Variants in SSH2 observed in about 807,000 individuals in gnomAD.
SSH2 encodes slingshot protein phosphatase 2.
A neutral mutation model predicts 135.2 loss-of-function variants in SSH2; 37 were observed. The observed-to-expected ratio is 0.27, with a 90% confidence interval of 0.21 to 0.36. The LOEUF (loss-of-function observed/expected upper bound fraction) is 0.36. Among genes scored for constraint, SSH2 ranks in the 10% least tolerant of loss-of-function variants. The probability of loss-of-function intolerance (pLI) is 1.00; values close to 1 mark genes in which losing one functional copy is unlikely to be tolerated. For synonymous variants in SSH2, 628 were observed against 646.2 expected (o/e 0.97, Z 0.43); for missense variants, 1,408 against 1,765.3 (o/e 0.80, Z 3.63).
chr17:29,805,450 C>T (rs899674878), intron 2 of SSH2, among the ~76,000 whole-genome samples: 28 of 152,142 alleles, frequency 1.8e-4, no homozygotes, highest in Non-Finnish European at 1.8e-4. Flanking sequence ...CCACCATGCC[C>T]GGCCCTCATG....
intron 2 of SSH2, among the ~76,000 whole-genome samples, chr17:29,818,635 C>A (rs1313400192): frequency 1.3e-5 from 2 of 152,120 alleles, no homozygotes; most frequent in Non-Finnish European, 2.9e-5. Flanking sequence ...TGGCAAACAA[C>A]AAAGAGCAAG....
chr17:29,874,433 A>G (rs777381309), intron 1 of SSH2, among the ~76,000 whole-genome samples: 2 of 152,206 alleles, frequency 1.3e-5, no homozygotes, highest in Non-Finnish European at 2.9e-5. Flanking sequence ...TGTACTCCCT[A>G]TAACCCCGAT....
chr17:29,694,205 C>T (rs1243314824), intron 5 of SSH2, among the ~76,000 whole-genome samples: 1 of 152,086 alleles, frequency 6.6e-6, no homozygotes. Context: ...CCCTGAGAGG[C>T]TCAGATGGGA....
chr17:29,705,966 C>T, intron 3 of SSH2, among the ~76,000 whole-genome samples: 1 of 152,110 alleles, frequency 6.6e-6, no homozygotes, highest in East Asian at 1.9e-4. Flanking sequence ...AGAATATAAG[C>T]TCCAAGAGGG....
chr17:29,656,181 A>T (rs2036772106), intron 11 of SSH2, among the ~76,000 whole-genome samples: 1 of 151,490 alleles, frequency 6.6e-6, no homozygotes, highest in Non-Finnish European at 1.5e-5. Flanking sequence ...CAAAGCTCAC[A>T]CTCTTTTTTT....
chr17:29,889,824 A>C (rs967068472), intron 1 of SSH2, among the ~76,000 whole-genome samples: 2 of 150,090 alleles, frequency 1.3e-5, no homozygotes, highest in Non-Finnish European at 3.0e-5. Context: ...AAAAAAAAAA[A>C]AAAACCAGCC....
chr17:29,930,155 C>T lies in SSH2; in HGVS notation c.-155G>A. 1 of 686,744 alleles carries T rather than the reference C, an allele frequency of 1.5e-6. No homozygotes were observed. The highest frequency in any genetic ancestry group is 1.9e-5 in the South Asian group (1 of 53,376). 42.5% of individuals were successfully genotyped at this position (686,744 alleles called of 1,614,324 possible). ...GCGGGAACGGCCGCAGACTCCGCAC[C>T]CACCACCAGACTGTCGCCGACTGAC... is the stretch of plus-strand genomic sequence containing the variant. On this transcript the variant is annotated 5_prime_UTR_variant, in exon 1 of 16. Coordinates refer to ENST00000540801, the MANE Select transcript of SSH2 (RefSeq NM_001282129.2).
At chr17:29,820,625 C>T (rs2151341723) in intron 2 of SSH2, among the ~76,000 whole-genome samples, 1 of 152,280 alleles carries the variant, frequency 6.6e-6, no homozygotes, top group East Asian at 1.9e-4. Context: ...GTAAAAACTC[C>T]CTTCTAGAAA....
intron 1 of SSH2, among the ~76,000 whole-genome samples, chr17:29,869,498 C>G (rs551458577): frequency 1.3e-5 from 2 of 152,262 alleles, no homozygotes; most frequent in African/African-American, 4.8e-5. Context: ...CCTTGGGTCT[C>G]TAAGCTTTAG....
chr17:29,777,166 C>T (rs2041721939), intron 3 of SSH2, among the ~76,000 whole-genome samples: 1 of 151,608 alleles, frequency 6.6e-6, no homozygotes, highest in Non-Finnish European at 1.5e-5. Context: ...GAGCCAAGAT[C>T]TCGCCACTGC....
Position 29,655,440 on chromosome 17 carries a change from A to T in SSH2, c.1079+121T>A, listed in dbSNP as rs1164254449. On this transcript the variant is annotated intron_variant, in intron 12 of 15. Transcript: ENST00000540801. Reference sequence around the variant, plus strand: ...TTTTTCTTAGATTACATCTGATTAGAATCAGTCAGATGCAACTCTTAAGAT... The same window carrying T: ...TTTTTCTTAGATTACATCTGATTAGTATCAGTCAGATGCAACTCTTAAGAT... The T allele has an allele frequency of 7.5e-6, 7 of 934,238 alleles. No homozygotes were observed. The Admixed American group carries it at 1.3e-4, about 17-fold the overall frequency. The allele number at this position is 934,238 out of a possible 1,614,324, so 57.9% of individuals were successfully genotyped here.
chr17:29,739,001 C>CT (rs1347107390), intron 3 of SSH2, among the ~76,000 whole-genome samples: 1 of 152,174 alleles, frequency 6.6e-6, no homozygotes, highest in South Asian at 2.1e-4. Flanking sequence ...TAAATAATCA[C>CT]TTTCCTAAAA....
chr17:29,663,457 G>C (rs2037136648), intron 11 of SSH2, among the ~76,000 whole-genome samples: 1 of 152,240 alleles, frequency 6.6e-6, no homozygotes, highest in Non-Finnish European at 1.5e-5. Flanking sequence ...TAAACAAAGG[G>C]AGGAAGCCAC....
chr17:29,718,718 G>A (rs1487358091), intron 3 of SSH2, among the ~76,000 whole-genome samples: 1 of 86,234 alleles, frequency 1.2e-5, no homozygotes, highest in African/African-American at 4.5e-5. Context: ...GGGCGACAAA[G>A]CAAGATTTCA....
intron 1 of SSH2, among the ~76,000 whole-genome samples, chr17:29,897,821 A>G (rs2066472796): frequency 6.6e-6 from 1 of 152,188 alleles, no homozygotes; most frequent in Non-Finnish European, 1.5e-5. Context: ...TCATCAGAAT[A>G]TACACTCTTC....
At chr17:29,673,546 G>A (rs1057362371) in intron 8 of SSH2, among the ~76,000 whole-genome samples, 21 of 151,662 alleles carry the variant, frequency 1.4e-4, no homozygotes, top group African/African-American at 5.1e-4. Flanking sequence ...CTCCAGCCTG[G>A]GTGACAGAGT....
At chr17:29,735,777 T>C (rs1038709585) in intron 3 of SSH2, among the ~76,000 whole-genome samples, 10 of 150,664 alleles carry the variant, frequency 6.6e-5, no homozygotes, top group Non-Finnish European at 1.2e-4. Flanking sequence ...ACCTGTCCCA[T>C]CATGCTGTCT....
intron 3 of SSH2, among the ~76,000 whole-genome samples, chr17:29,721,884 G>A (rs902387569): frequency 6.6e-6 from 1 of 152,166 alleles, no homozygotes; most frequent in Non-Finnish European, 1.5e-5. Flanking sequence ...TAGAAGAAAT[G>A]AGGCTTGCAA....
At chr17:29,818,249 C>CTT (rs1230051948) in intron 2 of SSH2, among the ~76,000 whole-genome samples, 3 of 134,018 alleles carry the variant, frequency 2.2e-5, no homozygotes, top group East Asian at 2.1e-4. Context: ...GGTATTCTTC[C>CTT]TTTTTTTTTT....
Sources: allele counts gnomAD v4.1 joint callset (sites outside exome capture counted in the v4.1 genomes callset), GRCh38; gene constraint gnomAD v4.1.1; transcripts MANE v1.5; gene names NCBI Gene and HGNC (gene_info 2026-07-23, HGNC 2026-07-21).